The following ERICH6 variants were observed in gnomAD, a reference collection of about 807,000 sequenced individuals.
ERICH6 encodes glutamate-rich protein 6.
ERICH6 carries 71 observed loss-of-function variants against 71.0 expected under a neutral mutation model. The ratio of observed to expected loss-of-function variants is 1.00; its 90% CI spans 0.83 to 1.22. The LOEUF is 1.22. Ranked by LOEUF, ERICH6 falls within the 50% of genes most tolerant of loss-of-function variation. The pLI is 0.00. For missense variants in ERICH6, 808 were observed against 797.2 expected, an observed-to-expected ratio of 1.01 and a Z score of -0.16; for synonymous variants, 262 against 278.4, an observed-to-expected ratio of 0.94 and a Z score of 0.59.
chr3:150,691,259 A>C (rs1042497161), intron 3 of ERICH6, among the ~76,000 whole-genome samples: 1 of 152,242 alleles, frequency 6.6e-6, no homozygotes, highest in Non-Finnish European at 1.5e-5. Context: ...ATAATTTAGA[A>C]TCTAAAGTTA....
At chr3:150,678,290 A>G (rs1711738523) in intron 10 of ERICH6, 119 bp downstream of exon 10, 2 of 949,698 alleles carry the variant, frequency 2.1e-6, no homozygotes, top group South Asian at 4.1e-5. Context: ...AGTCTGTACC[A>G]ATTCTTTTTG....
intron 3 of ERICH6, among the ~76,000 whole-genome samples, chr3:150,695,011 C>T (rs942894185): frequency 6.6e-5 from 10 of 152,228 alleles, no homozygotes; most frequent in Admixed American, 2.6e-4. Context: ...CTTTCTGGGC[C>T]CTCTTTTACA....
intron 4 of ERICH6, 64 bp downstream of exon 4, chr3:150,686,234 G>A: frequency 3.9e-6 from 6 of 1,552,770 alleles, no homozygotes; most frequent in Non-Finnish European, 5.3e-6. Flanking sequence ...TGCGAGTTAA[G>A]GTGATTCCCT....
chr3:150,695,624 C>T (rs975495198), intron 3 of ERICH6, among the ~76,000 whole-genome samples: 3 of 152,032 alleles, frequency 2.0e-5, no homozygotes, highest in Non-Finnish European at 4.4e-5. Flanking sequence ...GCCGAGATCG[C>T]GCCACTCCAC....
At chr3:150,675,265 T>C (rs556282694) in intron 10 of ERICH6, among the ~76,000 whole-genome samples, 11 of 152,376 alleles carry the variant, frequency 7.2e-5, no homozygotes, top group Admixed American at 3.9e-4. Context: ...TGTAATGCTA[T>C]ATCTTACTGG....
Position 150,680,792 on chromosome 3 carries a change from T to C in ERICH6, c.1021A>G (p.Lys341Glu), listed in dbSNP as rs763038481. The change falls in exon 8 of 14, where the codon AAA becomes GAA. Residue 341 changes from lysine (K) to glutamate (E), a missense_variant. This residue lies in a region of ERICH6 where 736 missense variants were observed against 712.2 expected (regional missense o/e 1.03). Coordinates refer to ENST00000295910, the MANE Select transcript of ERICH6 (RefSeq NM_152394.5). The part of the protein sequence containing the change: ...HGSEVDRLKA[K>E]EKALQRKQEQ... ...TGTTACCTTTGCAGGGCTTTTTCTTTTGCCTTGAGTCTGTCGACCTCACTA... is the reference window on the plus strand; with the variant it reads ...TGTTACCTTTGCAGGGCTTTTTCTTCTGCCTTGAGTCTGTCGACCTCACTA... 4.4e-6 allele frequency: 7 copies of C among 1,606,802 alleles called. No individual in the cohort carries two copies. The East Asian group carries it at 1.3e-4, about 31-fold the overall frequency.
At chr3:150,670,256 G>A (rs546192968) in intron 11 of ERICH6, among the ~76,000 whole-genome samples, 32 of 151,846 alleles carry the variant, frequency 2.1e-4, no homozygotes, top group Non-Finnish European at 4.1e-4. Context: ...AGGCTGAGGC[G>A]GGTGGATCAT....
At chr3:150,697,670 T>C (rs1208408091) in intron 3 of ERICH6, among the ~76,000 whole-genome samples, 1 of 152,216 alleles carries the variant, frequency 6.6e-6, no homozygotes, top group Non-Finnish European at 1.5e-5. Context: ...TGGATGCTTT[T>C]CCTTAGTTTC....
intron 3 of ERICH6, among the ~76,000 whole-genome samples, chr3:150,691,114 G>A (rs188837701): frequency 1.3e-5 from 2 of 152,282 alleles, no homozygotes; most frequent in Non-Finnish European, 1.5e-5. Flanking sequence ...CTTTTTCACT[G>A]TCTCAGTTAT....
At chr3:150,662,972 G>T (rs1727277434) in intron 13 of ERICH6, among the ~76,000 whole-genome samples, 1 of 152,206 alleles carries the variant, frequency 6.6e-6, no homozygotes, top group African/African-American at 2.4e-5. Context: ...GGCTGGAACA[G>T]AATGAGTGAG....
At chr3:150,675,878 T>G (rs1209045656) in intron 10 of ERICH6, among the ~76,000 whole-genome samples, 2 of 151,670 alleles carry the variant, frequency 1.3e-5, no homozygotes, top group African/African-American at 4.8e-5. Context: ...TTTTTGGTCT[T>G]TGGTTTTCTG....
rs541909957 is a variant in ERICH6 at position 150,684,038 on chromosome 3, C to T, written c.783+1704G>A. Among the ~76,000 whole-genome samples, 11 of 152,272 alleles carry T rather than the reference C, an allele frequency of 7.2e-5. No homozygotes were observed. In the South Asian group the frequency reaches 2.3e-3, roughly 32 times the overall value. On this transcript the variant is annotated intron_variant, in intron 6 of 13. Transcript: ENST00000295910. ...CGGGAGGCGAGTATAACCTCAGAGA[C>T]ATCCCTAGATACAAGCCTTTGTGGT...
intron 10 of ERICH6, among the ~76,000 whole-genome samples, chr3:150,676,929 C>G (rs1314277415): frequency 6.6e-6 from 1 of 152,058 alleles, no homozygotes; most frequent in Non-Finnish European, 1.5e-5. Context: ...TTCTCTGCCT[C>G]AGCCTCCCAA....
At chr3:150,675,082 G>A (rs140217836) in intron 10 of ERICH6, among the ~76,000 whole-genome samples, 6,066 of 152,220 alleles carry the variant, frequency 0.04, 424 homozygotes, top group African/African-American at 0.14. Flanking sequence ...GCAGTGAGCC[G>A]AGATCATGCT....
intron 11 of ERICH6, among the ~76,000 whole-genome samples, chr3:150,671,732 A>G (rs1711503553): frequency 6.6e-6 from 1 of 152,176 alleles, no homozygotes; most frequent in Non-Finnish European, 1.5e-5. Context: ...GCTCAGAAAA[A>G]TCCTCCCACC....
chr3:150,661,725 G>A (rs1727230250), intron 13 of ERICH6, among the ~76,000 whole-genome samples: 1 of 152,106 alleles, frequency 6.6e-6, no homozygotes, highest in East Asian at 1.9e-4. Context: ...TTAAAAGACT[G>A]AGTCTGTTAG....
Position 150,692,780 on chromosome 3 carries a change from C to T in ERICH6, c.553+6011G>A, listed in dbSNP as rs190376729. Among the ~76,000 whole-genome samples the T allele has an allele frequency of 1.4e-4, 22 of 152,086 alleles. No individual in the cohort carries two copies. The East Asian group carries it at 1.5e-3, about 11-fold the overall frequency. On this transcript the variant is annotated intron_variant, in intron 3 of 13. Transcript: ENST00000295910. ...CTATGGCTGCCCTAAAACTTTTTGTCGTCCCCAGACAATTGTTATCTTGTT... is the reference window on the plus strand; with the variant it reads ...CTATGGCTGCCCTAAAACTTTTTGTTGTCCCCAGACAATTGTTATCTTGTT...
intron 2 of ERICH6, among the ~76,000 whole-genome samples, chr3:150,699,355 T>C (rs1227299349): frequency 6.6e-6 from 1 of 152,050 alleles, no homozygotes; most frequent in African/African-American, 2.4e-5. Flanking sequence ...TACACTGAAG[T>C]GTCCTTGCCC....
chr3:150,687,706 A>G (rs781275528), intron 3 of ERICH6, among the ~76,000 whole-genome samples: 1 of 152,226 alleles, frequency 6.6e-6, no homozygotes, highest in Non-Finnish European at 1.5e-5. Context: ...TGAAAAACCA[A>G]TCAGAGCAAC....
Sources: allele counts gnomAD v4.1 joint callset (sites outside exome capture counted in the v4.1 genomes callset), GRCh38; gene constraint gnomAD v4.1.1; regional missense constraint gnomAD v4.1.1; transcripts MANE v1.5; gene names NCBI Gene and HGNC (gene_info 2026-07-23, HGNC 2026-07-21).